The following PHF7 variants were observed in gnomAD, a reference collection of about 807,000 sequenced individuals.
PHF7 encodes PHD finger protein 7, also known as E3 ubiquitin-protein ligase PHF7.
A neutral mutation model predicts 47.5 loss-of-function variants in PHF7; 24 were observed. That is an observed-to-expected ratio of 0.51 (90% CI 0.37 to 0.71). The LOEUF is 0.71. PHF7 is among the 30% of genes least tolerant of loss of function. The pLI is 0.00. For missense variants in PHF7, 361 were observed against 456.8 expected (o/e 0.79, Z 1.91); for synonymous variants, 156 against 153.8 (o/e 1.01, Z -0.11).
rs780660801 is a variant in PHF7, at chr3:52,420,470, T to C, written c.413+35T>C. On this transcript the variant is annotated intron_variant, in intron 6 of 10. Coordinates refer to ENST00000327906, the MANE Select transcript of PHF7 (RefSeq NM_016483.7). ...GGAAGGGAAAAGTCTGGCTTCCTTTTTGCAACTTATTATTCAGCCACTAAT... is the reference window on the plus strand; with the variant it reads ...GGAAGGGAAAAGTCTGGCTTCCTTTCTGCAACTTATTATTCAGCCACTAAT... 2.5e-6 allele frequency: 4 copies of C among 1,610,006 alleles called. No homozygotes were observed. The African/African-American group carries it at 4.0e-5, about 16-fold the overall frequency.
chr3:52,422,084 C>A, intron 8 of PHF7, 138 bp from the exon 9 acceptor site: 1 of 713,500 alleles, frequency 1.4e-6, no homozygotes, highest in Non-Finnish European at 2.6e-6. Flanking sequence ...GGCCACTTGG[C>A]CAGCCTTGTT....
chr3:52,413,013 G>C (rs1705501472), intron 2 of PHF7, 93 bp downstream of exon 2: 1 of 930,094 alleles, frequency 1.1e-6, no homozygotes, highest in East Asian at 2.5e-5. Context: ...TAGTCTTGGG[G>C]GTTGAGGTTG....
At chr3:52,412,577 T>A (rs1468290446) in intron 1 of PHF7, among the ~76,000 whole-genome samples, 1 of 152,196 alleles carries the variant, frequency 6.6e-6, no homozygotes, top group Non-Finnish European at 1.5e-5. Context: ...ACTCTTACCT[T>A]GGGCAGGATA....
rs35491443 is a variant in PHF7 at position 52,422,817 on chromosome 3, C to T, written c.855C>T (p.Cys285=). The T allele has an allele frequency of 5.7e-3, 9,166 of 1,613,946 alleles. 71 individuals are homozygous for T. Among genetic ancestry groups the T allele is most frequent in the South Asian group, 0.023 (2,136 of 91,068 alleles). The change falls in exon 10 of 11, where the codon TGC becomes TGT. Residue 285 remains cysteine, a synonymous_variant. Coordinates refer to ENST00000327906, the MANE Select transcript of PHF7 (RefSeq NM_016483.7). Reference sequence around the variant, plus strand: ...GATCCCACGGAACCCACAGGGACTGCTCCTCTCTTAGATCTAACAGTAAGA... The same window carrying T: ...GATCCCACGGAACCCACAGGGACTGTTCCTCTCTTAGATCTAACAGTAAGA... ...TCGSHGTHRD[C]SSLRSNSKKW... is the part of the protein sequence containing the mutation.
rs143578763 is a variant in PHF7, at chr3:52,418,781, A to G, written c.187-1052A>G. ...CAGCGGCCTCCTCTGTAAGATGAGC[A>G]TCATAATAGCATCTGCCATTACAGG... On this transcript the variant is annotated intron_variant, in intron 4 of 10. Transcript: ENST00000327906. 3.9e-3 allele frequency among the ~76,000 whole-genome samples: 586 copies of G among 151,230 alleles called. 4 individuals carry two copies. Among genetic ancestry groups the G allele is most frequent in the South Asian group, 0.024 (113 of 4,774 alleles).
chr3:52,412,585 A>G (rs1241432697), intron 1 of PHF7, among the ~76,000 whole-genome samples: 1 of 152,228 alleles, frequency 6.6e-6, no homozygotes, highest in Non-Finnish European at 1.5e-5. Flanking sequence ...CTTGGGCAGG[A>G]TACTTAAACC....
In PHF7 at chr3:52,414,138, C is replaced by T; in HGVS notation, c.94+90C>T. ...GTGGGGCAGTATACTTGCTTCTTCT[C>T]TCTCTCCCAGCCCTACTTCCTTCCT... On this transcript the variant is annotated intron_variant, in intron 3 of 10. Transcript: ENST00000327906. 6 of 841,712 alleles carry T rather than the reference C, an allele frequency of 7.1e-6. 1 individual carries two copies. Among genetic ancestry groups the T allele is most frequent in the Non-Finnish European group, 1.0e-5 (5 of 493,440 alleles). The allele number at this position is 841,712 out of a possible 1,614,324, so 52.1% of individuals were successfully genotyped here.
chr3:52,417,661 GT>G (rs1477084061), intron 4 of PHF7, among the ~76,000 whole-genome samples: 2 of 152,042 alleles, frequency 1.3e-5, no homozygotes, highest in African/African-American at 2.4e-5. Flanking sequence ...TTGATTAGTT[GT>G]TTTTTTATTT....
At chr3:52,416,020 G>A (rs1705612607) in intron 4 of PHF7, among the ~76,000 whole-genome samples, 1 of 152,164 alleles carries the variant, frequency 6.6e-6, no homozygotes, top group Non-Finnish European at 1.5e-5. Context: ...AAGAAGTCCA[G>A]TTGCACAGTA....
At chr3:52,421,165 C>T in intron 7 of PHF7, 103 bp downstream of exon 7, 2 of 1,075,674 alleles carry the variant, frequency 1.9e-6, no homozygotes, top group Non-Finnish European at 1.3e-6. Flanking sequence ...CTTTGGTGCT[C>T]CATGCTGGAG....
chr3:52,414,042 G>A lies in PHF7; in HGVS notation c.88G>A (p.Gly30Arg). 1 of 1,610,784 alleles carries A rather than the reference G, an allele frequency of 6.2e-7. No individual in the cohort carries two copies. Residue 30 changes from glycine (G) to arginine (R), a missense_variant, in exon 3 of 11, where the codon GGG becomes AGG. By Grantham distance (125) the Gly-to-Arg change is moderately radical (BLOSUM62 -2). Coordinates refer to ENST00000327906, the MANE Select transcript of PHF7 (RefSeq NM_016483.7). ...RRVTQRKPSS[G>R]PVCWLCLREP... is the part of the protein sequence containing the mutation. ...GGTAACCCAGAGGAAACCGTCTTCA[G>A]GGCCTGGTAAGAAAGACTGGAGCTT...
chr3:52,419,493 G>T (rs575719877), intron 4 of PHF7, among the ~76,000 whole-genome samples: 2 of 148,692 alleles, frequency 1.3e-5, no homozygotes, highest in Non-Finnish European at 3.0e-5. Context: ...GCAGTGGCAC[G>T]ATCTCGGCTC....
At position 52,419,429 on chromosome 3, in the gene PHF7, C is replaced by CTTT. The variant is rs761599290; in HGVS notation, c.187-395_187-393dup. 4.3e-5 allele frequency among the ~76,000 whole-genome samples: 6 copies of CTTT among 138,818 alleles called. 2 individuals are homozygous for CTTT. Among genetic ancestry groups the CTTT allele is most frequent in the Non-Finnish European group, 4.8e-5 (3 of 63,128 alleles). The allele number at this position is 138,818 out of a possible 152,430, so 91.1% of individuals were successfully genotyped here. On this transcript the variant is annotated intron_variant, in intron 4 of 10. Transcript: ENST00000327906. Reference sequence around the variant, plus strand: ...CATATATATTCCACCAAGCTCTGTTCTTTTTTTTTTTCTTTTTTGAGACAG... The same window carrying CTTT: ...CATATATATTCCACCAAGCTCTGTTCTTTTTTTTTTTTTTCTTTTTTGAGACAG...
intron 4 of PHF7, among the ~76,000 whole-genome samples, chr3:52,418,381 A>G (rs1354554174): frequency 1.3e-5 from 2 of 152,180 alleles, no homozygotes; most frequent in Non-Finnish European, 1.5e-5. Context: ...TGTATAGAAC[A>G]TATAGATATA....
At position 52,422,803 on chromosome 3, in the gene PHF7, A is replaced by T; in HGVS notation, c.841A>T (p.Thr281Ser). The change falls in exon 10 of 11, where the codon ACC becomes TCC. Residue 281 changes from threonine (T) to serine (S), a missense_variant. Thr to Ser is a moderately conservative substitution (Grantham distance 58, BLOSUM62 1). Transcript: ENST00000327906. ...ILCATCGSHG[T>S]HRDCSSLRSN... ...GTGTGCTACATGCGGATCCCACGGA[A>T]CCCACAGGGACTGCTCCTCTCTTAG... 1.9e-6 allele frequency: 3 copies of T among 1,613,998 alleles called. No individual in the cohort carries two copies. The highest frequency in any genetic ancestry group is 2.5e-6 in the Non-Finnish European group (3 of 1,179,882).
At position 52,411,723 on chromosome 3, in the gene PHF7, C is replaced by T. The variant is rs78939484; in HGVS notation, c.-70+476C>T. 8.5e-5 allele frequency among the ~76,000 whole-genome samples: 13 copies of T among 152,368 alleles called. No homozygotes were observed. In the East Asian group the frequency reaches 2.5e-3, roughly 29 times the overall value. On this transcript the variant is annotated intron_variant, in intron 1 of 10. Coordinates refer to ENST00000327906, the MANE Select transcript of PHF7 (RefSeq NM_016483.7). ...TTCGTTCCCGTTCACTTTCAGGGAT[C>T]TCCCCGTTAACCAGTGAAACTGTAC...
chr3:52,415,906 T>C (rs941665234), intron 4 of PHF7, among the ~76,000 whole-genome samples: 1 of 152,228 alleles, frequency 6.6e-6, no homozygotes, highest in Admixed American at 6.5e-5. Context: ...TGCCTAGAAG[T>C]GGAATTACTA....
intron 9 of PHF7, 23 bp from the exon 10 acceptor site, chr3:52,422,737 C>T (rs200018965): frequency 1.9e-6 from 3 of 1,613,780 alleles, no homozygotes; most frequent in East Asian, 4.5e-5. Context: ...GTCTCCACAA[C>T]CCTTCCTGGG....
chr3:52,420,253 C>T (rs749804978), intron 5 of PHF7, 58 bp from the exon 6 acceptor site: 7 of 1,570,544 alleles, frequency 4.5e-6, no homozygotes, highest in Non-Finnish European at 6.1e-6. Context: ...AGATGTGCTA[C>T]ACTGTGTGTG....
Sources: gnomAD v4.1 joint callset for allele counts (sites outside exome capture counted in the v4.1 genomes callset) on GRCh38, gnomAD v4.1.1 for gene constraint, MANE v1.5 for transcripts, NCBI Gene and HGNC (gene_info 2026-07-23, HGNC 2026-07-21) for gene names.